Variants in SLC5A10 observed in about 807,000 individuals in gnomAD.
SLC5A10 encodes sodium/mannose cotransporter SLC5A10.
SLC5A10 carries 55 observed loss-of-function variants against 68.9 expected under a neutral mutation model. The observed-to-expected ratio is 0.80, with a 90% CI of 0.64 to 1.00. The LOEUF is 1.00. SLC5A10 is among the 50% of genes least tolerant of loss of function. SLC5A10 has a pLI of 0.00. For synonymous variants in SLC5A10, 344 were observed against 344.8 expected, an observed-to-expected ratio of 1.00 and a Z score of 0.02; for missense variants, 732 against 819.3, an observed-to-expected ratio of 0.89 and a Z score of 1.30.
chr17:18,970,905 A>G, intron 7 of SLC5A10, 108 bp from the exon 8 acceptor site: 1 of 1,012,436 alleles, frequency 9.9e-7, no homozygotes, highest in Non-Finnish European at 1.5e-6. Context: ...GAAAAAACTC[A>G]AGTTTGATGC....
At chr17:18,956,685 C>G (rs1161283441) in intron 1 of SLC5A10, among the ~76,000 whole-genome samples, 1 of 152,048 alleles carries the variant, frequency 6.6e-6, no homozygotes, top group African/African-American at 2.4e-5. Flanking sequence ...CTATGTTGCC[C>G]AGGCTGGTCT....
intron 5 of SLC5A10, among the ~76,000 whole-genome samples, chr17:18,962,992 C>T (rs1029252358): frequency 6.6e-6 from 1 of 152,094 alleles, no homozygotes; most frequent in Non-Finnish European, 1.5e-5. Context: ...CTGAGGCAGG[C>T]GGATTGCCTG....
chr17:18,984,739 C>T (rs2043226790), intron 9 of SLC5A10, among the ~76,000 whole-genome samples: 1 of 152,364 alleles, frequency 6.6e-6, no homozygotes, highest in African/African-American at 2.4e-5. Context: ...TCCCTCCACA[C>T]CCAGTATCAC....
rs948631755 is a variant in SLC5A10, at chr17:19,017,648, C to A, written c.1242-1775C>A. 15 of 460,576 alleles carry A rather than the reference C, an allele frequency of 3.3e-5. No individual in the cohort carries two copies. Among genetic ancestry groups the A allele is most frequent in the Admixed American group, 1.1e-4 (3 of 27,746 alleles). 28.5% of individuals were successfully genotyped at this position (460,576 alleles called of 1,614,324 possible). ...ACCTCAGTCCACTGTTCCGCCACTG[C>A]CCCCCTGCCCCACTCTCCCCTGTCT... is the stretch of plus-strand genomic sequence containing the variant. On this transcript the variant is annotated intron_variant, in intron 11 of 14. Transcript: ENST00000395645. This position sits in a 1 kb window ranked among gnomAD's most constrained non-coding sequence, Gnocchi z 5.6.
chr17:18,953,378 C>T (rs1032264482), intron 1 of SLC5A10, among the ~76,000 whole-genome samples: 7 of 152,190 alleles, frequency 4.6e-5, no homozygotes, highest in Non-Finnish European at 1.0e-4. Context: ...ATGATTTGCC[C>T]GCCTCGGCCT....
intron 9 of SLC5A10, among the ~76,000 whole-genome samples, chr17:18,999,904 C>G (rs2043684273): frequency 6.6e-6 from 1 of 152,202 alleles, no homozygotes; most frequent in Admixed American, 6.5e-5. Context: ...CACCCTGGGG[C>G]TGGTGAGGGA....
At chr17:18,991,561 C>T (rs544425812) in intron 9 of SLC5A10, among the ~76,000 whole-genome samples, 15 of 152,282 alleles carry the variant, frequency 9.9e-5, no homozygotes, top group African/African-American at 3.4e-4. Context: ...ATGTCAGGGG[C>T]CACACTGGGC....
At position 19,017,302 on chromosome 17, in the gene SLC5A10, A is replaced by G; in HGVS notation, c.1241+2103A>G. The G allele has an allele frequency of 6.5e-7, 1 of 1,549,568 alleles. No individual in the cohort carries two copies. Among genetic ancestry groups the G allele is most frequent in the Non-Finnish European group, 8.7e-7 (1 of 1,146,326 alleles). On this transcript the variant is annotated intron_variant, in intron 11 of 14. Coordinates refer to ENST00000395645, the MANE Select transcript of SLC5A10 (RefSeq NM_001042450.4). The surrounding 1 kb of genome is among the most constrained non-coding windows in gnomAD (Gnocchi z 5.6). Reference sequence around the variant, plus strand: ...CTTACAGCACTGGGATACCCTCAACACCCCCAGCCCCTCAAAGCCGTCTCA... The same window carrying G: ...CTTACAGCACTGGGATACCCTCAACGCCCCCAGCCCCTCAAAGCCGTCTCA...
intron 9 of SLC5A10, among the ~76,000 whole-genome samples, chr17:18,987,581 C>T (rs932111111): frequency 2.0e-5 from 3 of 152,192 alleles, no homozygotes; most frequent in African/African-American, 7.2e-5. Context: ...GTGACATGCC[C>T]AAGGACACAC....
chr17:18,969,213 G>A, intron 6 of SLC5A10, 56 bp downstream of exon 6: 2 of 1,591,962 alleles, frequency 1.3e-6, no homozygotes, highest in Admixed American at 1.7e-5. Context: ...GGGTCAGAAG[G>A]CCACCTCCCC....
chr17:18,978,161 G>A (rs768249715), intron 9 of SLC5A10: 2 of 1,532,264 alleles, frequency 1.3e-6, no homozygotes, highest in Admixed American at 4.0e-5. Flanking sequence ...GGGCACGGGG[G>A]GCAATGGCTC....
rs760717670 is a variant in SLC5A10 at position 18,971,350 on chromosome 17, G to C, written c.846+132G>C. ...CTCAGAAGGTGTGGCTCCAGGCTGGGACATGCTGCTAGGGGTCTTTGCGGT... is the reference window on the plus strand; with the variant it reads ...CTCAGAAGGTGTGGCTCCAGGCTGGCACATGCTGCTAGGGGTCTTTGCGGT... On this transcript the variant is annotated intron_variant, in intron 8 of 14. Transcript: ENST00000395645. The surrounding 1 kb of genome is among the most constrained non-coding windows in gnomAD (Gnocchi z 5.5). 2 of 1,595,078 alleles carry C rather than the reference G, an allele frequency of 1.3e-6. No homozygotes were observed. Among genetic ancestry groups the C allele is most frequent in the South Asian group, 1.1e-5 (1 of 90,052 alleles).
chr17:19,007,155 G>A (rs1298105669), intron 9 of SLC5A10, among the ~76,000 whole-genome samples: 1 of 149,302 alleles, frequency 6.7e-6, no homozygotes, highest in Non-Finnish European at 1.5e-5. Context: ...GAGTGATCCA[G>A]TTTCTCCACA....
chr17:18,986,587 C>T (rs1320362621), intron 9 of SLC5A10, among the ~76,000 whole-genome samples: 4 of 152,236 alleles, frequency 2.6e-5, no homozygotes, highest in Non-Finnish European at 1.5e-5. Context: ...CCATTGCCTC[C>T]GGCTTCCTGG....
At position 18,977,916 on chromosome 17, in the gene SLC5A10, C is replaced by T. The variant is rs529981513; in HGVS notation, c.982+927C>T. The T allele has an allele frequency of 2.1e-5, 34 of 1,610,256 alleles. No homozygotes were observed. The East Asian group carries it at 7.6e-4, about 36-fold the overall frequency. ...TCACTGAGGGTTACGTAGTCGTCAT[C>T]ATCTTCTTCTTCCACCCCATCCAGC... is the stretch of plus-strand genomic sequence containing the variant. On this transcript the variant is annotated intron_variant, in intron 9 of 14. Coordinates refer to ENST00000395645, the MANE Select transcript of SLC5A10 (RefSeq NM_001042450.4).
chr17:18,989,343 G>A (rs117665208), intron 9 of SLC5A10, among the ~76,000 whole-genome samples: 2,478 of 152,322 alleles, frequency 0.016, 34 homozygotes, highest in Non-Finnish European at 0.025. Flanking sequence ...GAGATTCAGG[G>A]TGGTGGAGGC....
At chr17:18,979,671 A>G in intron 9 of SLC5A10, 1 of 1,613,188 alleles carries the variant, frequency 6.2e-7, no homozygotes, top group Non-Finnish European at 8.5e-7. Context: ...GCACTCTGAG[A>G]TTCTGTTTTG....
intron 5 of SLC5A10, among the ~76,000 whole-genome samples, chr17:18,962,093 C>CCCACCCCCATGCCAG (rs961371825): frequency 1.9e-4 from 29 of 152,250 alleles, no homozygotes; most frequent in African/African-American, 6.7e-4. Context: ...TGATCTCCAC[C>CCCACCCCCATGCCAG]CCACCCCCAT....
chr17:19,003,736 G>A lies in SLC5A10; in HGVS notation c.983-9674G>A. On this transcript the variant is annotated intron_variant, in intron 9 of 14. Coordinates refer to ENST00000395645, the MANE Select transcript of SLC5A10 (RefSeq NM_001042450.4). This position sits in a 1 kb window ranked among gnomAD's most constrained non-coding sequence, Gnocchi z 4.5. ...CCTCGATGGGGACCCCATCCGCCCC[G>A]CTGGCTTCCTCGCCGTCGCCGACCC... The A allele has an allele frequency of 1.2e-6, 2 of 1,604,540 alleles. No homozygotes were observed. Among genetic ancestry groups the A allele is most frequent in the Non-Finnish European group, 1.7e-6 (2 of 1,175,574 alleles).
Sources: gnomAD v4.1 joint callset for allele counts (sites outside exome capture counted in the v4.1 genomes callset) on GRCh38, gnomAD v4.1.1 for gene constraint, Gnocchi (gnomAD v3.1) non-coding constraint, MANE v1.5 for transcripts, NCBI Gene and HGNC (gene_info 2026-07-23, HGNC 2026-07-21) for gene names.